Variants in ATRN observed in about 807,000 individuals in gnomAD.
ATRN encodes attractin-2.
ATRN carries 54 observed loss-of-function variants against 178.7 expected under a neutral mutation model. The observed-to-expected ratio is 0.30, with a 90% confidence interval of 0.24 to 0.38. The LOEUF is 0.38. ATRN is among the 10% of genes least tolerant of loss of function. The pLI is 1.00. For missense variants in ATRN, 1,443 were observed against 1,815.1 expected (o/e 0.79, Z 3.73); for synonymous variants, 636 against 663.0 (o/e 0.96, Z 0.63).
chr20:3,616,959 CCCTCAGTGT>C (rs1396182665), intron 24 of ATRN, among the ~76,000 whole-genome samples: 1 of 152,180 alleles, frequency 6.6e-6, no homozygotes. Context: ...GCATTTTTAT[CCCTCAGTGT>C]CCTCAGTGTC....
chr20:3,597,691 G>A (rs2086550387), intron 21 of ATRN, among the ~76,000 whole-genome samples: 1 of 152,138 alleles, frequency 6.6e-6, no homozygotes, highest in South Asian at 2.1e-4. Flanking sequence ...TGCTGAAACT[G>A]GACAACTGGT....
At chr20:3,489,784 C>CTTGGTAGGTGTAG in intron 1 of ATRN, 1 of 1,331,568 alleles carries the variant, frequency 7.5e-7, no homozygotes. Flanking sequence ...GCTTTGCGCC[C>CTTGGTAGGTGTAG]TTGGTAGGTG....
chr20:3,549,048 T>C, intron 5 of ATRN, 122 bp from the exon 6 acceptor site: 1 of 824,762 alleles, frequency 1.2e-6, no homozygotes, highest in Non-Finnish European at 1.8e-6. Flanking sequence ...ATTTGTCTGA[T>C]ATTTAAATGC....
At chr20:3,615,219 A>G (rs1420160368) in intron 24 of ATRN, among the ~76,000 whole-genome samples, 1 of 152,058 alleles carries the variant, frequency 6.6e-6, no homozygotes, top group Non-Finnish European at 1.5e-5. Context: ...GCTTTAGCTC[A>G]GGAGTTTGAG....
In ATRN at chr20:3,602,963, C is replaced by CAAAA. The variant is rs3842439; in HGVS notation, c.3644-1113_3644-1110dup. Among the ~76,000 whole-genome samples, 170 of 40,870 alleles carry CAAAA rather than the reference C, an allele frequency of 4.2e-3. 8 individuals carry two copies. The highest frequency in any genetic ancestry group is 9.4e-3 in the African/African-American group (85 of 9,084). The allele number at this position is 40,870 out of a possible 152,430, so 26.8% of individuals were successfully genotyped here. On this transcript the variant is annotated intron_variant, in intron 23 of 28. Coordinates refer to ENST00000262919, the MANE Select transcript of ATRN (RefSeq NM_139321.3). Reference sequence around the variant, plus strand: ...GGGCAACAAAAGCGAAATTCCATCTCAAAAAAAAAAAAAAAAAAAAAAAAA... The same window carrying CAAAA: ...GGGCAACAAAAGCGAAATTCCATCTCAAAAAAAAAAAAAAAAAAAAAAAAAAAAA...
At chr20:3,613,490 C>T (rs2086795029) in intron 24 of ATRN, among the ~76,000 whole-genome samples, 1 of 152,136 alleles carries the variant, frequency 6.6e-6, no homozygotes, top group African/African-American at 2.4e-5. Context: ...AGAGACTTAG[C>T]TTTTCTAGGT....
chr20:3,498,167 A>C (rs2084907602), intron 1 of ATRN, among the ~76,000 whole-genome samples: 1 of 152,156 alleles, frequency 6.6e-6, no homozygotes. Flanking sequence ...CAATAACAGG[A>C]TCTGAAATTG....
chr20:3,509,255 G>A (rs2085089628), intron 1 of ATRN, among the ~76,000 whole-genome samples: 1 of 138,762 alleles, frequency 7.2e-6, no homozygotes, highest in African/African-American at 2.8e-5. Flanking sequence ...TAACTGTAAT[G>A]AGTCAAATAT....
intron 25 of ATRN, among the ~76,000 whole-genome samples, chr20:3,626,695 C>G (rs531248379): frequency 6.6e-6 from 1 of 152,208 alleles, no homozygotes; most frequent in Admixed American, 6.5e-5. Context: ...CTCACAACCC[C>G]CTGCCTCTTC....
chr20:3,646,243 A>G (rs994671259), intron 28 of ATRN, among the ~76,000 whole-genome samples: 1 of 152,152 alleles, frequency 6.6e-6, no homozygotes, highest in Non-Finnish European at 1.5e-5. Context: ...ACTAATGCTG[A>G]CTGAGTGATA....
rs369665828 is a variant in ATRN, at chr20:3,578,575, A to T, written c.2354-7A>T. 1.0e-4 allele frequency: 165 copies of T among 1,596,048 alleles called. 1 individual carries two copies. The African/African-American group carries it at 1.8e-3, about 17-fold the overall frequency. On this transcript the variant is annotated splice_polypyrimidine_tract_variant and splice_region_variant and intron_variant, in intron 14 of 28. Transcript: ENST00000262919. Reference sequence around the variant, plus strand: ...TTCTTTTCTTTCTCTTTTCCCCTTAATGAAAGAAAATATCTGTGGCATTGG... The same window carrying T: ...TTCTTTTCTTTCTCTTTTCCCCTTATTGAAAGAAAATATCTGTGGCATTGG...
intron 24 of ATRN, among the ~76,000 whole-genome samples, chr20:3,618,895 A>G (rs1349174349): frequency 6.6e-6 from 1 of 152,210 alleles, no homozygotes; most frequent in Non-Finnish European, 1.5e-5. Flanking sequence ...GTCACAGCCA[A>G]ACTCAAGGAG....
At chr20:3,475,812 A>G (rs1302451884) in intron 1 of ATRN, among the ~76,000 whole-genome samples, 5 of 152,268 alleles carry the variant, frequency 3.3e-5, no homozygotes, top group Admixed American at 6.5e-5. Flanking sequence ...GAAAGGAACT[A>G]AGCACTTATC....
chr20:3,591,392 A>G (rs2086440243), intron 19 of ATRN, 86 bp downstream of exon 19: 7 of 1,474,946 alleles, frequency 4.7e-6, no homozygotes, highest in Non-Finnish European at 6.4e-6. Flanking sequence ...GGAGGAAAAA[A>G]GCCACTTTGT....
At chr20:3,529,805 T>C (rs1432996484) in intron 1 of ATRN, among the ~76,000 whole-genome samples, 2 of 152,198 alleles carry the variant, frequency 1.3e-5, no homozygotes, top group African/African-American at 4.8e-5. Context: ...TACTTTTCAC[T>C]AAGATTGATT....
chr20:3,474,176 G>A (rs1031407585), intron 1 of ATRN, among the ~76,000 whole-genome samples: 1 of 152,180 alleles, frequency 6.6e-6, no homozygotes, highest in Non-Finnish European at 1.5e-5. Context: ...AGAGCTACTT[G>A]TTGCAGGGAA....
In ATRN at chr20:3,624,516, C is replaced by G; in HGVS notation, c.3807C>G (p.Ala1269=). Residue 1269 remains alanine, a synonymous_variant, in exon 25 of 29, where the codon GCC becomes GCG. Coordinates refer to ENST00000262919, the MANE Select transcript of ATRN (RefSeq NM_139321.3). The part of the protein sequence containing the change: ...NFTWPIKIQI[A]FSQHSNFMDL... ...TACCTGTTTTTCTGTCACAGATTGC[C>G]TTCTCTCAGCACAGCAATTTTATGG... 6.2e-7 allele frequency: 1 copy of G among 1,613,796 alleles called. No individual in the cohort carries two copies. Among genetic ancestry groups the G allele is most frequent in the East Asian group, 2.2e-5 (1 of 44,864 alleles).
At chr20:3,518,818 G>A (rs1042195062) in intron 1 of ATRN, among the ~76,000 whole-genome samples, 3 of 151,712 alleles carry the variant, frequency 2.0e-5, no homozygotes, top group African/African-American at 7.3e-5. Context: ...GTATTATCAT[G>A]CCTAAAAAAT....
intron 27 of ATRN, among the ~76,000 whole-genome samples, chr20:3,643,037 T>A (rs2087081224): frequency 6.6e-6 from 1 of 152,100 alleles, no homozygotes; most frequent in African/African-American, 2.4e-5. Flanking sequence ...CATGGCTCAC[T>A]GTAGCCTCAA....
Sources: gnomAD v4.1 joint callset for allele counts (sites outside exome capture counted in the v4.1 genomes callset) on GRCh38, gnomAD v4.1.1 for gene constraint, MANE v1.5 for transcripts, NCBI Gene and HGNC (gene_info 2026-07-23, HGNC 2026-07-21) for gene names.